KY: variants seen among roughly 807,000 people sequenced by gnomAD.
KY encodes kyphoscoliosis peptidase.
KY carries 43 observed loss-of-function variants against 76.1 expected under a neutral mutation model. The observed-to-expected ratio is 0.57, with a 90% confidence interval of 0.44 to 0.73. KY has a LOEUF of 0.73. KY is among the 30% of genes least tolerant of loss of function. KY has a pLI of 0.00. For synonymous variants in KY, 277 were observed against 326.2 expected, an observed-to-expected ratio of 0.85 and a Z score of 1.63; for missense variants, 722 against 828.9, an observed-to-expected ratio of 0.87 and a Z score of 1.58.
intron 8 of KY, 70 bp from the exon 9 acceptor site, chr3:134,610,453 C>T (rs1960172255): frequency 7.3e-7 from 1 of 1,364,240 alleles, no homozygotes; most frequent in Admixed American, 2.0e-5. Context: ...TCCATGGTCT[C>T]AGGTTTCAGG....
intron 6 of KY, among the ~76,000 whole-genome samples, chr3:134,621,555 C>T (rs1054694494): frequency 6.6e-6 from 1 of 152,162 alleles, no homozygotes. Flanking sequence ...ATGCCATATA[C>T]AAAAACAACT....
At chr3:134,628,240 G>A (rs143646952) in intron 4 of KY, 188 of 183,156 alleles carry the variant, frequency 1.0e-3, no homozygotes, top group Middle Eastern at 2.5e-3. Context: ...AAAGCAGTTC[G>A]TGTGAAGGTC....
intron 6 of KY, among the ~76,000 whole-genome samples, chr3:134,621,379 A>G (rs1441464043): frequency 6.6e-6 from 1 of 152,218 alleles, no homozygotes; most frequent in Non-Finnish European, 1.5e-5. Context: ...ATATAGACAA[A>G]TGGAATACAA....
intron 3 of KY, among the ~76,000 whole-genome samples, chr3:134,642,336 G>A (rs1965865092): frequency 1.3e-5 from 2 of 152,188 alleles, no homozygotes; most frequent in Admixed American, 6.5e-5. Context: ...TTTCCTTATA[G>A]GTTAGGACAT....
intron 6 of KY, among the ~76,000 whole-genome samples, chr3:134,623,558 C>G (rs1962986977): frequency 6.6e-6 from 1 of 151,218 alleles, no homozygotes; most frequent in Non-Finnish European, 1.5e-5. Context: ...GTTCCCCCAC[C>G]TTAGGATGCC....
At chr3:134,619,334 C>A (rs1962167471) in intron 7 of KY, 69 bp from the exon 8 acceptor site, 1 of 1,181,332 alleles carries the variant, frequency 8.5e-7, no homozygotes, top group Non-Finnish European at 1.3e-6. Flanking sequence ...CCCCAACCCC[C>A]AGCTGTGCTC....
chr3:134,636,785 AC>A (rs1399253274), intron 3 of KY, among the ~76,000 whole-genome samples: 2 of 152,052 alleles, frequency 1.3e-5, no homozygotes, highest in African/African-American at 2.4e-5. Flanking sequence ...GGTTTTATCA[AC>A]CCTTTAAATT....
chr3:134,629,809 G>T, intron 3 of KY, 114 bp from the exon 4 acceptor site: 3 of 671,808 alleles, frequency 4.5e-6, no homozygotes, highest in Non-Finnish European at 2.6e-6. Context: ...TCTTTTGTGT[G>T]TACAAATCAT....
At chr3:134,627,943 C>G in intron 4 of KY, 125 bp from the exon 5 acceptor site, 1 of 737,902 alleles carries the variant, frequency 1.4e-6, no homozygotes, top group South Asian at 1.6e-5. Context: ...TTCACAGTCT[C>G]CTTGTTCCCA....
At chr3:134,646,557 T>C (rs1966464761) in intron 2 of KY, among the ~76,000 whole-genome samples, 1 of 152,216 alleles carries the variant, frequency 6.6e-6, no homozygotes. Flanking sequence ...GTGAACAGAA[T>C]GAGTGAATGA....
At chr3:134,640,134 G>A (rs528675882) in intron 3 of KY, among the ~76,000 whole-genome samples, 4 of 151,132 alleles carry the variant, frequency 2.6e-5, no homozygotes, top group South Asian at 4.2e-4. Context: ...ACCATTGAAA[G>A]AGAGGCTGAG....
Position 134,646,854 on chromosome 3 carries a change from A to T in KY, c.199+581T>A, listed in dbSNP as rs1404946662. Among the ~76,000 whole-genome samples, 4 of 152,154 alleles carry T rather than the reference A, an allele frequency of 2.6e-5. No individual in the cohort carries two copies. The East Asian group carries it at 7.7e-4, about 29-fold the overall frequency. ...ATGTTTGTCCCTGGAGGCTGGGCTA[A>T]TGAACCCTAAAGGGAATAGAATAAA... On this transcript the variant is annotated intron_variant, in intron 2 of 10. Coordinates refer to ENST00000423778, the MANE Select transcript of KY (RefSeq NM_178554.6).
At chr3:134,605,850 A>T (rs752054032) in intron 10 of KY, among the ~76,000 whole-genome samples, 1 of 152,062 alleles carries the variant, frequency 6.6e-6, no homozygotes, top group Non-Finnish European at 1.5e-5. Context: ...CCACTCTTTG[A>T]GGACTGGCCC....
chr3:134,611,891 G>C (rs1462929971), intron 8 of KY, among the ~76,000 whole-genome samples: 3 of 152,220 alleles, frequency 2.0e-5, no homozygotes, highest in African/African-American at 7.2e-5. Flanking sequence ...TTGTAAAAAT[G>C]AACATGTAAT....
At chr3:134,639,949 CAAAAAAAAA>C (rs35930137) in intron 3 of KY, 13 of 49,708 alleles carry the variant, frequency 2.6e-4, no homozygotes, top group South Asian at 1.1e-3. Context: ...CACCCTGTCT[CAAAAAAAAA>C]AAAAAAAAAA....
At chr3:134,606,226 T>C (rs1294839713) in intron 10 of KY, among the ~76,000 whole-genome samples, 1 of 152,114 alleles carries the variant, frequency 6.6e-6, no homozygotes, top group Non-Finnish European at 1.5e-5. Flanking sequence ...TCACCTTTGA[T>C]TGTGGAGCAC....
At chr3:134,633,971 T>C (rs372249534) in intron 3 of KY, among the ~76,000 whole-genome samples, 10 of 152,212 alleles carry the variant, frequency 6.6e-5, no homozygotes, top group Admixed American at 5.9e-4. Flanking sequence ...CATAAGCAAT[T>C]GGAGATGGCA....
At chr3:134,622,550 T>TG (rs1376152969) in intron 6 of KY, among the ~76,000 whole-genome samples, 2 of 152,102 alleles carry the variant, frequency 1.3e-5, no homozygotes, top group African/African-American at 2.4e-5. Context: ...TACCAGGGGC[T>TG]GGGGGAGGAG....
chr3:134,607,140 G>A (rs959743412), intron 10 of KY: 17 of 985,286 alleles, frequency 1.7e-5, no homozygotes, highest in Admixed American at 6.1e-5. Context: ...AGTTCTTTCC[G>A]ATATTTCCAC....
Sources: allele counts gnomAD v4.1 joint callset (sites outside exome capture counted in the v4.1 genomes callset), GRCh38; gene constraint gnomAD v4.1.1; transcripts MANE v1.5; gene names NCBI Gene and HGNC (gene_info 2026-07-23, HGNC 2026-07-21).